PKP3: variants seen among roughly 807,000 people sequenced by gnomAD.
The protein encoded by PKP3 is plakophilin 3.
PKP3 carries 66 observed loss-of-function variants against 76.5 expected under a neutral mutation model. The observed-to-expected ratio is 0.86, with a 90% CI of 0.71 to 1.06. PKP3 has a LOEUF of 1.06. Among genes scored for constraint, PKP3 ranks in the 50% least tolerant of loss-of-function variants. The probability of loss-of-function intolerance (pLI) is 0.00; values close to 1 mark genes in which losing one functional copy is unlikely to be tolerated. For missense variants in PKP3, 1,338 were observed against 1,141.0 expected (o/e 1.17, Z -2.49); for synonymous variants, 638 against 516.5 (o/e 1.24, Z -3.19).
chr11:404,589 A>G lies in PKP3; in HGVS notation c.*20A>G, dbSNP rs1367322033. ...CCATAGGTGAAGCCTTCTGGAGGAG[A>G]AGGTGACGTGGCCCAGCGTCCAAGG... On this transcript the variant is annotated 3_prime_UTR_variant, in exon 13 of 13. Coordinates refer to ENST00000331563, the MANE Select transcript of PKP3 (RefSeq NM_007183.4). This position sits in a 1 kb window ranked among gnomAD's most constrained non-coding sequence, Gnocchi z 4.2. 1.5e-5 allele frequency: 24 copies of G among 1,610,752 alleles called. No individual in the cohort carries two copies. Among genetic ancestry groups the G allele is most frequent in the Non-Finnish European group, 2.0e-5 (23 of 1,178,420 alleles).
In PKP3 at chr11:397,207, G is replaced by A; in HGVS notation, c.706G>A (p.Glu236Lys). Residue 236 changes from glutamate (E) to lysine (K), a missense_variant, in exon 3 of 13, where the codon GAG becomes AAG. Transcript: ENST00000331563. ...AGGLDWPEAT[E>K]VSPSRTIRAP... is the part of the protein sequence containing the mutation. ...GGGGCTGGACTGGCCCGAGGCCACT[G>A]AGGTTTCCCCGAGCCGGACCATCCG... is the stretch of plus-strand genomic sequence containing the variant. 1 of 1,598,936 alleles carries A rather than the reference G, an allele frequency of 6.3e-7. No individual in the cohort carries two copies. The highest frequency in any genetic ancestry group is 2.2e-5 in the East Asian group (1 of 44,830).
At chr11:400,753 C>G in intron 8 of PKP3, 48 bp downstream of exon 8, 3 of 1,075,344 alleles carry the variant, frequency 2.8e-6, no homozygotes, top group Non-Finnish European at 3.5e-6. Flanking sequence ...GCGACCCCGG[C>G]CCCGCTGACC....
Position 400,014 on chromosome 11 carries a change from G to C in PKP3, c.1321G>C (p.Ala441Pro), listed in dbSNP as rs1476265351. The part of the protein sequence containing the change: ...SSSDHLKDRL[A>P]RDTLEQLTDL... ...CAGCGACCACCTGAAGGACCGCCTG[G>C]CCAGAGACACGCTGGAGCAGCTCAC... The change falls in exon 6 of 13, where the codon GCC becomes CCC. Residue 441 changes from alanine (A) to proline (P), a missense_variant. Coordinates refer to ENST00000331563, the MANE Select transcript of PKP3 (RefSeq NM_007183.4). 6.2e-7 allele frequency: 1 copy of C among 1,607,692 alleles called. No homozygotes were observed. The highest frequency in any genetic ancestry group is 1.3e-5 in the African/African-American group (1 of 74,834).
At chr11:392,630 G>A, upstream of PKP3, 5 of 1,286,090 alleles carry the variant, frequency 3.9e-6, no homozygotes, top group Non-Finnish European at 5.1e-6. Context: ...GGCCAGGGAT[G>A]GAGTCCTGGA....
At position 403,715 on chromosome 11, in the gene PKP3, CACTG is replaced by C; in HGVS notation, c.2026_2029del (p.Thr676AlafsTer21). 1 of 1,610,190 alleles carries C rather than the reference CACTG, an allele frequency of 6.2e-7. No homozygotes were observed. Among genetic ancestry groups the C allele is most frequent in the Non-Finnish European group, 8.5e-7 (1 of 1,179,814 alleles). On this transcript the variant is annotated frameshift_variant, in exon 10 of 13. Transcript: ENST00000331563. LOFTEE classifies it high-confidence loss of function. ...ACCGCCGACCACCACCAGCTGCGCT[CACTG>C]ACTGGCCTCATCCGAAACCTGTCTC...
chr11:395,475 C>A (rs1000295694), intron 1 of PKP3, among the ~76,000 whole-genome samples: 1 of 152,162 alleles, frequency 6.6e-6, no homozygotes, highest in African/African-American at 2.4e-5. Context: ...AAGTCGGGTG[C>A]CCAGGGGTCA....
Position 396,998 on chromosome 11 carries a change from A to G in PKP3, c.497A>G (p.Glu166Gly), listed in dbSNP as rs761044163. 1.9e-6 allele frequency: 3 copies of G among 1,598,450 alleles called. 1 individual carries two copies. In the South Asian group the frequency reaches 3.3e-5, roughly 18 times the overall value. The change falls in exon 3 of 13, where the codon GAG becomes GGG. Residue 166 changes from glutamate (E) to glycine (G), a missense_variant. Transcript: ENST00000331563. ...CCCACCAGGCCCGTGTCCTTCCATG[A>G]GCGCGGTGGGGTTGGGAGCCGGGCC... is the stretch of plus-strand genomic sequence containing the variant. ...PMPTRPVSFH[E>G]RGGVGSRADY... is the part of the protein sequence containing the mutation.
At chr11:398,894 C>T (rs539830471) in intron 4 of PKP3, 98 bp from the exon 5 acceptor site, 4 of 954,494 alleles carry the variant, frequency 4.2e-6, no homozygotes, top group Non-Finnish European at 3.1e-6. Context: ...GCATCCCCTG[C>T]ATATCTACAT....
chr11:392,707 G>A (rs747058335), upstream of PKP3: 82 of 1,285,516 alleles, frequency 6.4e-5, no homozygotes, highest in Non-Finnish European at 7.7e-5. Flanking sequence ...ACCACGAGCC[G>A]GGTAGGTCTC....
intron 9 of PKP3, 58 bp downstream of exon 9, chr11:403,321 G>A (rs1244282220): frequency 5.2e-6 from 6 of 1,143,016 alleles, no homozygotes; most frequent in Middle Eastern, 2.6e-4. Flanking sequence ...TTGAGGGGGG[G>A]ACAGAGGAGG....
upstream of PKP3, chr11:392,773 C>A: frequency 1.1e-6 from 1 of 880,864 alleles, no homozygotes; most frequent in Non-Finnish European, 1.6e-6. Flanking sequence ...GGGCCTCACC[C>A]ATCCTTTCAG....
chr11:399,324 T>C, intron 5 of PKP3, 128 bp downstream of exon 5: 1 of 305,848 alleles, frequency 3.3e-6, no homozygotes, highest in Non-Finnish European at 5.6e-6. Context: ...ACCTGCCCCC[T>C]CTGCCACCTG....
At chr11:394,592 T>C in intron 1 of PKP3, 68 bp downstream of exon 1, 1 of 1,244,606 alleles carries the variant, frequency 8.0e-7, no homozygotes, top group Non-Finnish European at 1.0e-6. Context: ...GACGTGATAG[T>C]GTGAGGGCAG....
rs374337884 is a variant in PKP3 at position 396,893 on chromosome 11, G to C, written c.392G>C (p.Arg131Pro). 7 of 1,597,510 alleles carry C rather than the reference G, an allele frequency of 4.4e-6. No individual in the cohort carries two copies. The highest frequency in any genetic ancestry group is 6.0e-6 in the Non-Finnish European group (7 of 1,175,140). Reference protein sequence around the residue: ...SRSAVDLSCSRRLSSAHNGGS... With the variant: ...SRSAVDLSCSPRLSSAHNGGS... ...TCCGCCGTGGATCTGAGCTGCAGTCGGAGGCTGAGTTCAGCCCACAACGGG... is the reference window on the plus strand; with the variant it reads ...TCCGCCGTGGATCTGAGCTGCAGTCCGAGGCTGAGTTCAGCCCACAACGGG... The change falls in exon 3 of 13, where the codon CGG (arginine) becomes CCG (proline). Residue 131 changes from arginine (R) to proline (P), a missense_variant. Physicochemically the swap from Arg to Pro is moderately radical, Grantham distance 103. Coordinates refer to ENST00000331563, the MANE Select transcript of PKP3 (RefSeq NM_007183.4).
Position 404,855 on chromosome 11 carries a change from T to G in PKP3, c.*286T>G. The G allele has an allele frequency of 2.0e-6, 1 of 498,398 alleles. No homozygotes were observed. Among genetic ancestry groups the G allele is most frequent in the Admixed American group, 3.3e-5 (1 of 29,876 alleles). 30.9% of individuals were successfully genotyped at this position (498,398 alleles called of 1,614,324 possible). On this transcript the variant is annotated 3_prime_UTR_variant, in exon 13 of 13. Transcript: ENST00000331563. The surrounding 1 kb of genome is among the most constrained non-coding windows in gnomAD (Gnocchi z 4.2). Reference sequence around the variant, plus strand: ...GCAGAGGTGGGGGTTGGCTGTGGCCTGGCAGTATCTTGGGATAGCCAGCAC... The same window carrying G: ...GCAGAGGTGGGGGTTGGCTGTGGCCGGGCAGTATCTTGGGATAGCCAGCAC...
At position 400,611 on chromosome 11, in the gene PKP3, AGCGGCTGGAGGGTCGCG is replaced by A; in HGVS notation, c.1646_1662del (p.Arg549ProfsTer133). On this transcript the variant is annotated frameshift_variant, in exon 8 of 13. Transcript: ENST00000331563. LOFTEE classifies it high-confidence loss of function. The stretch of plus-strand genomic sequence containing the variant: ...GACGAGATGCCGCCGTCCGCGCTGC[AGCGGCTGGAGGGTCGCG>A]GCCGCAGGGACCTGGCGGGGGCGCC... The A allele has an allele frequency of 6.9e-7, 1 of 1,443,752 alleles. No homozygotes were observed. Among genetic ancestry groups the A allele is most frequent in the Non-Finnish European group, 9.0e-7 (1 of 1,107,556 alleles). The allele number at this position is 1,443,752 out of a possible 1,614,324, so 89.4% of individuals were successfully genotyped here.
At position 400,102 on chromosome 11, in the gene PKP3, CG is replaced by C. The variant is rs746383682; in HGVS notation, c.1411del (p.Glu471ArgfsTer176). 2 of 1,586,918 alleles carry C rather than the reference CG, an allele frequency of 1.3e-6. No homozygotes were observed. Among genetic ancestry groups the C allele is most frequent in the Middle Eastern group, 2.3e-4 (1 of 4,348 alleles). ...GGPPLIQQNASEAEIFYNATG... is the reference protein window; with the variant it reads ...GGPPLIQQNAXEAEIFYNATG... ...CCCCCCCTCATCCAGCAGAACGCCT[CG>C]GAGGCAGAGATCTTCTACAACGCCA... is the stretch of plus-strand genomic sequence containing the variant. On this transcript the variant is annotated frameshift_variant, in exon 6 of 13. Transcript: ENST00000331563. LOFTEE classifies it high-confidence loss of function.
chr11:394,473 C>T lies in PKP3; in HGVS notation c.181C>T (p.Pro61Ser). 1 of 1,435,916 alleles carries T rather than the reference C, an allele frequency of 7.0e-7. No homozygotes were observed. The highest frequency in any genetic ancestry group is 9.1e-7 in the Non-Finnish European group (1 of 1,101,378). 88.9% of individuals were successfully genotyped at this position (1,435,916 alleles called of 1,614,324 possible). A position where few individuals can be genotyped will look rare whatever the true frequency, so the allele number is the denominator to read the frequency against. Reference protein sequence around the residue: ...RARLLQLGQQPRHNGAAEPEP... With the variant: ...RARLLQLGQQSRHNGAAEPEP... ...CCGCCTCTTGCAGCTGGGACAGCAG[C>T]CGCGGCACAACGGGGCCGCTGAGCC... The change falls in exon 1 of 13, where the codon CCG becomes TCG. Residue 61 changes from proline (P) to serine (S), a missense_variant. Transcript: ENST00000331563.
chr11:403,672 C>A lies in PKP3; in HGVS notation c.1978C>A (p.Leu660Met). 4.3e-6 allele frequency: 7 copies of A among 1,610,366 alleles called. No homozygotes were observed. The highest frequency in any genetic ancestry group is 5.9e-6 in the Non-Finnish European group (7 of 1,179,830). The change falls in exon 10 of 13, where the codon CTG becomes ATG. Residue 660 changes from leucine (L) to methionine (M), a missense_variant. Physicochemically the swap from Leu to Met is conservative, Grantham distance 15. Coordinates refer to ENST00000331563, the MANE Select transcript of PKP3 (RefSeq NM_007183.4). ...GGAGCAGGAGCGTATTCTGAACCCC[C>A]TGCTAGACCGTGTCAGGACCGCCGA... is the stretch of plus-strand genomic sequence containing the variant. ...ALEQERILNP[L>M]LDRVRTADHH...
Sources: gnomAD v4.1 joint callset for allele counts (sites outside exome capture counted in the v4.1 genomes callset) on GRCh38, gnomAD v4.1.1 for gene constraint, Gnocchi (gnomAD v3.1) non-coding constraint, MANE v1.5 for transcripts, NCBI Gene and HGNC (gene_info 2026-07-23, HGNC 2026-07-21) for gene names.